RASGRF2: variants seen among roughly 807,000 people sequenced by gnomAD.
RASGRF2 encodes the protein ras-specific guanine nucleotide-releasing factor 2.
RASGRF2 carries 76 observed loss-of-function variants against 151.0 expected under a neutral mutation model. The observed-to-expected ratio is 0.50, with a 90% confidence interval of 0.42 to 0.61. RASGRF2 has a LOEUF of 0.61. Ranked by LOEUF, RASGRF2 falls within the 20% of genes least tolerant of loss-of-function variation. The pLI is 0.00. For synonymous variants in RASGRF2, 504 were observed against 566.5 expected, an observed-to-expected ratio of 0.89 and a Z score of 1.57; for missense variants, 1,148 against 1,564.6, an observed-to-expected ratio of 0.73 and a Z score of 4.49.
chr5:80,989,306 C>T (rs1266374665), intron 1 of RASGRF2, among the ~76,000 whole-genome samples: 1 of 152,030 alleles, frequency 6.6e-6, no homozygotes, highest in African/African-American at 2.4e-5. Context: ...GAAAGAACTC[C>T]TTTACTTTGT....
intron 17 of RASGRF2, among the ~76,000 whole-genome samples, chr5:81,154,237 C>T (rs1273069287): frequency 1.3e-5 from 2 of 152,102 alleles, no homozygotes; most frequent in African/African-American, 4.8e-5. Flanking sequence ...TAGAATACTC[C>T]ATCTGATGAA....
intron 7 of RASGRF2, among the ~76,000 whole-genome samples, chr5:81,084,048 C>G (rs1291529355): frequency 6.6e-6 from 1 of 152,188 alleles, no homozygotes; most frequent in Non-Finnish European, 1.5e-5. Flanking sequence ...TTGGCAGTTT[C>G]AGTGCCTGTT....
At chr5:81,069,363 T>G (rs1437925188) in intron 3 of RASGRF2, among the ~76,000 whole-genome samples, 2 of 152,276 alleles carry the variant, frequency 1.3e-5, no homozygotes, top group Non-Finnish European at 2.9e-5. Flanking sequence ...AACAGAAAAC[T>G]TAACAAACCT....
In RASGRF2 at chr5:81,219,782, A is replaced by G. The variant is rs543679116; in HGVS notation, c.3621+4A>G. 1 of 1,592,066 alleles carries G rather than the reference A, an allele frequency of 6.3e-7. No homozygotes were observed. The highest frequency in any genetic ancestry group is 1.1e-5 in the South Asian group (1 of 90,218). On this transcript the variant is annotated splice_donor_region_variant and intron_variant, in intron 26 of 26. Transcript: ENST00000265080. ...CAGAATAGATCATCAGCCAAAGGTAATATTATGTGGCTGTGAAGAAATTAA... is the reference window on the plus strand; with the variant it reads ...CAGAATAGATCATCAGCCAAAGGTAGTATTATGTGGCTGTGAAGAAATTAA...
At chr5:81,071,753 G>C (rs1293544200) in intron 4 of RASGRF2, among the ~76,000 whole-genome samples, 4 of 151,714 alleles carry the variant, frequency 2.6e-5, no homozygotes, top group African/African-American at 9.7e-5. Context: ...TAATTCTATT[G>C]CCTTTCCTTT....
intron 17 of RASGRF2, among the ~76,000 whole-genome samples, chr5:81,154,042 C>T (rs1358423866): frequency 1.3e-5 from 2 of 151,382 alleles, no homozygotes; most frequent in Admixed American, 6.6e-5. Context: ...CATCTAACAA[C>T]AGAGCCCTAA....
intron 17 of RASGRF2, among the ~76,000 whole-genome samples, chr5:81,142,557 G>A (rs190977671): frequency 1.6e-3 from 245 of 152,198 alleles, no homozygotes; most frequent in South Asian, 3.3e-3. Context: ...TCATTTTGGT[G>A]TAGCCCACCC....
At chr5:81,028,595 G>A (rs1227848523) in intron 1 of RASGRF2, among the ~76,000 whole-genome samples, 1 of 152,150 alleles carries the variant, frequency 6.6e-6, no homozygotes, top group East Asian at 1.9e-4. Context: ...ACAGGTAGCT[G>A]TGAATCAAGG....
At chr5:80,981,134 TAAG>T (rs761420813) in intron 1 of RASGRF2, among the ~76,000 whole-genome samples, 1 of 152,248 alleles carries the variant, frequency 6.6e-6, no homozygotes, top group Non-Finnish European at 1.5e-5. Context: ...TAGTCACTGT[TAAG>T]AAGTGAAAAC....
At chr5:81,117,883 C>T (rs555167379) in intron 15 of RASGRF2, among the ~76,000 whole-genome samples, 37 of 152,290 alleles carry the variant, frequency 2.4e-4, no homozygotes, top group Admixed American at 7.8e-4. Flanking sequence ...TAACATGCCT[C>T]AAGTAAGTCT....
intron 9 of RASGRF2, among the ~76,000 whole-genome samples, chr5:81,090,751 A>G (rs963818809): frequency 6.6e-6 from 1 of 152,196 alleles, no homozygotes; most frequent in Non-Finnish European, 1.5e-5. Flanking sequence ...TTGCTAATAT[A>G]TGAGCTAACA....
chr5:81,048,316 G>A (rs1304313129), intron 2 of RASGRF2, among the ~76,000 whole-genome samples: 1 of 151,974 alleles, frequency 6.6e-6, no homozygotes, highest in Non-Finnish European at 1.5e-5. Context: ...ATTCTGTCAG[G>A]GCTTTGCCTT....
chr5:81,077,268 G>C (rs1022879450), intron 5 of RASGRF2, among the ~76,000 whole-genome samples: 1 of 152,206 alleles, frequency 6.6e-6, no homozygotes, highest in Non-Finnish European at 1.5e-5. Context: ...ACAAGGTCTA[G>C]AGTACAATCA....
Position 81,057,111 on chromosome 5 carries a change from G to C in RASGRF2, c.396-10921G>C, listed in dbSNP as rs999072178. On this transcript the variant is annotated intron_variant, in intron 2 of 26. Coordinates refer to ENST00000265080, the MANE Select transcript of RASGRF2 (RefSeq NM_006909.3). ...TTTGCCAGTCTGTGTCTTTTAATTG[G>C]AGCATTTAGCCCATTTACATTTAAG... Among the ~76,000 whole-genome samples, 7 of 152,228 alleles carry C rather than the reference G, an allele frequency of 4.6e-5. No individual in the cohort carries two copies. The East Asian group carries it at 1.4e-3, about 29-fold the overall frequency.
chr5:80,960,451 C>A lies in RASGRF2; in HGVS notation c.-288C>A, dbSNP rs113829217. Reference sequence around the variant, plus strand: ...GCGGCGGCCGGCTCGGGCGCCCTCGCGGGGCCGCGCTCCACGCGGGCGTTG... The same window carrying A: ...GCGGCGGCCGGCTCGGGCGCCCTCGAGGGGCCGCGCTCCACGCGGGCGTTG... On this transcript the variant is annotated 5_prime_UTR_variant, in exon 1 of 27. Transcript: ENST00000265080. This position sits in a 1 kb window ranked among gnomAD's most constrained non-coding sequence, Gnocchi z 5.5. 6.7e-6 allele frequency among the ~76,000 whole-genome samples: 1 copy of A among 150,270 alleles called. No homozygotes were observed. Among genetic ancestry groups the A allele is most frequent in the Non-Finnish European group, 1.5e-5 (1 of 67,334 alleles).
chr5:80,970,671 A>G (rs1044400668), intron 1 of RASGRF2, among the ~76,000 whole-genome samples: 2 of 152,168 alleles, frequency 1.3e-5, no homozygotes, highest in Non-Finnish European at 2.9e-5. Flanking sequence ...TGTGAGATAG[A>G]ATCTGATTGT....
intron 2 of RASGRF2, among the ~76,000 whole-genome samples, chr5:81,061,048 G>C (rs192846633): frequency 3.8e-4 from 56 of 147,014 alleles, no homozygotes; most frequent in African/African-American, 1.2e-3. Context: ...TCAATTTCTT[G>C]TTTTTTTTTC....
chr5:81,186,961 T>C (rs1167475841), intron 18 of RASGRF2, among the ~76,000 whole-genome samples: 1 of 152,222 alleles, frequency 6.6e-6, no homozygotes, highest in Non-Finnish European at 1.5e-5. Flanking sequence ...AATGCCACTT[T>C]TTCCTCTGTG....
At chr5:81,222,494 C>T (rs1755876490) in intron 26 of RASGRF2, among the ~76,000 whole-genome samples, 1 of 152,206 alleles carries the variant, frequency 6.6e-6, no homozygotes, top group Admixed American at 6.5e-5. Context: ...GGAAGACTTT[C>T]CTAACTTTCC....
Sources: gnomAD v4.1 joint callset for allele counts (sites outside exome capture counted in the v4.1 genomes callset) on GRCh38, gnomAD v4.1.1 for gene constraint, Gnocchi (gnomAD v3.1) non-coding constraint, MANE v1.5 for transcripts, NCBI Gene and HGNC (gene_info 2026-07-23, HGNC 2026-07-21) for gene names.